Variants in DIAPH2 observed in about 807,000 individuals in gnomAD.
DIAPH2 encodes diaphanous related formin 2.
Under a neutral mutation model 92.7 loss-of-function variants are expected in DIAPH2, and 35 were observed. That is an observed-to-expected ratio of 0.38 (90% CI 0.29 to 0.50). DIAPH2 has a LOEUF of 0.50. Among genes scored for constraint, DIAPH2 ranks in the 20% least tolerant of loss-of-function variants. The probability of loss-of-function intolerance (pLI) is 0.94; values close to 1 mark genes in which losing one functional copy is unlikely to be tolerated. For synonymous variants in DIAPH2, 301 were observed against 280.4 expected (o/e 1.07, Z -0.73); for missense variants, 701 against 819.5 (o/e 0.86, Z 1.77).
At chrX:97,070,453 C>A (rs2066661984) in intron 17 of DIAPH2, among the ~76,000 whole-genome samples, 1 of 111,700 alleles carries the variant, frequency 9.0e-6, no homozygotes, top group Non-Finnish European at 1.9e-5. Flanking sequence ...TGAAAGCAGG[C>A]AATTTTTAAC....
At chrX:97,185,443 A>ATATGTATATATATATGTGTATATG (rs1655841834) in intron 22 of DIAPH2, among the ~76,000 whole-genome samples, 1 of 59,869 alleles carries the variant, frequency 1.7e-5, no homozygotes, top group African/African-American at 8.8e-5. Flanking sequence ...ATGTGTATAT[A>ATATGTATATATATATGTGTATATG]TATATGTGTG....
chrX:96,700,370 G>A (rs1002310926), intron 1 of DIAPH2, among the ~76,000 whole-genome samples: 1 of 112,271 alleles, frequency 8.9e-6, no homozygotes, highest in Non-Finnish European at 1.9e-5. Context: ...GACTGCTAAA[G>A]TGCCAGCTTT....
At chrX:96,829,629 G>C (rs2064838338) in intron 4 of DIAPH2, among the ~76,000 whole-genome samples, 1 of 110,047 alleles carries the variant, frequency 9.1e-6, no homozygotes, top group Non-Finnish European at 1.9e-5. Context: ...GAATAAGTGG[G>C]ATTGCAGGCG....
intron 4 of DIAPH2, among the ~76,000 whole-genome samples, chrX:96,796,275 G>A (rs926991019): frequency 1.8e-5 from 2 of 111,356 alleles, no homozygotes; most frequent in African/African-American, 3.3e-5. Context: ...TGTCTCCCGG[G>A]TTCAAGTGAT....
At chrX:97,448,930 C>T (rs2070335650) in intron 26 of DIAPH2, among the ~76,000 whole-genome samples, 1 of 112,142 alleles carries the variant, frequency 8.9e-6, no homozygotes, top group African/African-American at 3.2e-5. Context: ...TATGCTTTGA[C>T]ATTAAATGTC....
At chrX:96,815,501 G>A (rs1466822022) in intron 4 of DIAPH2, among the ~76,000 whole-genome samples, 5 of 111,931 alleles carry the variant, frequency 4.5e-5, no homozygotes, top group Admixed American at 9.4e-5. Context: ...GCGATGTCCC[G>A]CCCTGCTTCG....
At chrX:96,726,156 T>C (rs1385914645) in intron 1 of DIAPH2, among the ~76,000 whole-genome samples, 1 of 111,928 alleles carries the variant, frequency 8.9e-6, no homozygotes, top group Non-Finnish European at 1.9e-5. Context: ...AACTGCCTTA[T>C]CTATTTATAT....
At chrX:97,533,944 T>A (rs750153337) in intron 26 of DIAPH2, among the ~76,000 whole-genome samples, 20 of 112,007 alleles carry the variant, frequency 1.8e-4, no homozygotes, top group Admixed American at 4.7e-4. Flanking sequence ...GTGATCTGTA[T>A]CCTCTGAGTA....
chrX:97,531,195 C>G (rs762441551), intron 26 of DIAPH2, among the ~76,000 whole-genome samples: 3 of 111,547 alleles, frequency 2.7e-5, no homozygotes, highest in African/African-American at 9.8e-5. Flanking sequence ...TTGTATTGTT[C>G]TCCTTCCGTC....
intron 25 of DIAPH2, among the ~76,000 whole-genome samples, chrX:97,409,369 G>A (rs2069843467): frequency 9.0e-6 from 1 of 111,545 alleles, no homozygotes; most frequent in Admixed American, 9.5e-5. Context: ...ACCTGAAATG[G>A]GACTGAGCAT....
chrX:96,860,392 C>T (rs773096545), intron 4 of DIAPH2, among the ~76,000 whole-genome samples: 1 of 111,756 alleles, frequency 8.9e-6, no homozygotes, highest in South Asian at 3.8e-4. Context: ...AAAACTTTAA[C>T]ATACCAATTG....
intron 26 of DIAPH2, among the ~76,000 whole-genome samples, chrX:97,463,951 T>C (rs2070483842): frequency 9.0e-6 from 1 of 110,741 alleles, no homozygotes; most frequent in Non-Finnish European, 1.9e-5. Context: ...TTTTTCTAAT[T>C]TTTTTTATTG....
chrX:96,962,428 TAC>T (rs1569436655), intron 16 of DIAPH2, among the ~76,000 whole-genome samples: 9 of 71,690 alleles, frequency 1.3e-4, no homozygotes, highest in African/African-American at 3.6e-4. Flanking sequence ...CACATATATA[TAC>T]ATATATATAT....
At chrX:97,155,951 A>G (rs1266685242) in intron 22 of DIAPH2, among the ~76,000 whole-genome samples, 6 of 112,340 alleles carry the variant, frequency 5.3e-5, no homozygotes, top group Non-Finnish European at 9.4e-5. Context: ...GAGTTTAAAC[A>G]TGGGACAGAT....
At chrX:97,535,547 G>A (rs111657621) in intron 26 of DIAPH2, among the ~76,000 whole-genome samples, 1,751 of 111,431 alleles carry the variant, frequency 0.016, 31 homozygotes, top group African/African-American at 0.054. Context: ...AGCCTCCTGG[G>A]TTCAAGCGAT....
At chrX:97,171,125 C>T (rs959374732) in intron 22 of DIAPH2, among the ~76,000 whole-genome samples, 11 of 111,806 alleles carry the variant, frequency 9.8e-5, no homozygotes, top group Non-Finnish European at 1.7e-4. Flanking sequence ...CCACCCGCCT[C>T]GGCCTCCCAA....
At chrX:97,428,864 C>A (rs1374793973) in intron 25 of DIAPH2, among the ~76,000 whole-genome samples, 1 of 111,940 alleles carries the variant, frequency 8.9e-6, no homozygotes, top group African/African-American at 3.2e-5. Context: ...TCTAACAAAT[C>A]TTTAAAGTGT....
intron 4 of DIAPH2, among the ~76,000 whole-genome samples, chrX:96,870,777 T>C (rs1226309112): frequency 2.7e-5 from 3 of 111,769 alleles, no homozygotes; most frequent in Non-Finnish European, 3.8e-5. Context: ...AATAATAGGG[T>C]AATTTTTTGT....
chrX:97,393,613 T>G (rs978424720), intron 25 of DIAPH2, among the ~76,000 whole-genome samples: 1 of 111,784 alleles, frequency 8.9e-6, no homozygotes, highest in African/African-American at 3.2e-5. Flanking sequence ...TATATTGATA[T>G]AGAGGATAAT....
Sources: allele counts gnomAD v4.1 joint callset (sites outside exome capture counted in the v4.1 genomes callset), GRCh38; gene constraint gnomAD v4.1.1; transcripts MANE v1.5; gene names NCBI Gene and HGNC (gene_info 2026-07-23, HGNC 2026-07-21).